MYH14: variants seen among roughly 807,000 people sequenced by gnomAD.
MYH14 encodes the protein myosin-14.
MYH14 carries 123 observed loss-of-function variants against 255.5 expected under a neutral mutation model. The ratio of observed to expected loss-of-function variants is 0.48; its 90% CI spans 0.42 to 0.56. MYH14 has a LOEUF of 0.56. Ranked by LOEUF, MYH14 falls within the 20% of genes least tolerant of loss-of-function variation. The pLI, the probability that MYH14 is intolerant of heterozygous loss-of-function variation, is 0.00. For missense variants in MYH14, 2,423 were observed against 2,802.3 expected (o/e 0.86, Z 3.06); for synonymous variants, 1,095 against 1,161.2 (o/e 0.94, Z 1.16).
intron 42 of MYH14, 94 bp from the exon 43 acceptor site, chr19:50,309,546 T>G: frequency 1.2e-6 from 1 of 831,794 alleles, no homozygotes; most frequent in East Asian, 2.7e-5. Flanking sequence ...CCTATCTCTC[T>G]CTCTCTCCCC....
chr19:50,299,813 T>C (rs945624384), intron 39 of MYH14, among the ~76,000 whole-genome samples: 3 of 151,584 alleles, frequency 2.0e-5, no homozygotes, highest in African/African-American at 7.3e-5. Flanking sequence ...GGTGTGGTGG[T>C]GCGTGCCTGT....
chr19:50,275,722 A>T (rs1374406333), intron 27 of MYH14, among the ~76,000 whole-genome samples: 1 of 152,158 alleles, frequency 6.6e-6, no homozygotes, highest in African/African-American at 2.4e-5. Context: ...GCTACACGGG[A>T]TGCTGTGGTA....
At chr19:50,207,138 T>A (rs1269746106) in intron 1 of MYH14, among the ~76,000 whole-genome samples, 1 of 141,766 alleles carries the variant, frequency 7.1e-6, no homozygotes, top group Non-Finnish European at 1.5e-5. Context: ...AGTGAGAGGA[T>A]CACTTGAACA....
Position 50,309,736 on chromosome 19 carries a change from TG to T in MYH14, c.6060del (p.Ser2021LeufsTer48), listed in dbSNP as rs748810669. The part of the protein sequence containing the change: ...SDEEAEEAQP[G>X]SGPSPEPEGS... ...ACGAGGAGGCAGAGGAAGCACAGCC[TG>T]GGTCTGGGCCATCCCCGGAGCCTGA... On this transcript the variant is annotated frameshift_variant, in exon 43 of 43. Coordinates refer to ENST00000642316, the MANE Select transcript of MYH14 (RefSeq NM_001145809.2). LOFTEE classifies it low-confidence loss of function (END_TRUNC). 2 of 1,597,512 alleles carry T rather than the reference TG, an allele frequency of 1.3e-6. No homozygotes were observed. Among genetic ancestry groups the T allele is most frequent in the Non-Finnish European group, 1.7e-6 (2 of 1,172,486 alleles).
rs910420638 is a variant in MYH14 at position 50,276,107 on chromosome 19, C to T, written c.3584C>T (p.Ala1195Val). 5.0e-6 allele frequency: 8 copies of T among 1,605,786 alleles called. No individual in the cohort carries two copies. The highest frequency in any genetic ancestry group is 1.7e-5 in the Admixed American group (1 of 58,938). ...LESERVARTK[A>V]EKQRRDLGEE... is the part of the protein sequence containing the mutation. ...TCTGAGCGTGTGGCCAGGACCAAGG[C>T]GGAGAAGCAGCGCCGGGACCTGGGC... Residue 1195 changes from alanine to valine, a missense_variant, in exon 28 of 43, where the codon GCG becomes GTG. By Grantham distance (64) the Ala-to-Val change is moderately conservative. Around this residue, in one of 3 missense-constraint regions of MYH14, gnomAD observed 1,513 missense variants for 1,674.8 expected, o/e 0.90. Transcript: ENST00000642316. This position sits in a 1 kb window ranked among gnomAD's most constrained non-coding sequence, Gnocchi z 4.3.
At chr19:50,265,124 C>T (rs2035033840) in intron 22 of MYH14, among the ~76,000 whole-genome samples, 1 of 152,222 alleles carries the variant, frequency 6.6e-6, no homozygotes, top group African/African-American at 2.4e-5. Context: ...TGCTGCACTG[C>T]GGCCTGTGGG....
Position 50,272,726 on chromosome 19 carries a change from G to A in MYH14, c.3462G>A (p.Leu1154=). 1 of 1,550,444 alleles carries A rather than the reference G, an allele frequency of 6.4e-7. No homozygotes were observed. Among genetic ancestry groups the A allele is most frequent in the African/African-American group, 1.4e-5 (1 of 73,128 alleles). The change falls in exon 27 of 43, where the codon CTG becomes CTA. Residue 1154 remains leucine (L), a synonymous_variant. Coordinates refer to ENST00000642316, the MANE Select transcript of MYH14 (RefSeq NM_001145809.2). Reference sequence around the variant, plus strand: ...AGGAGGAGGAGCTGCAGGCTGCCCTGGCCAGGTGCAGGGTGGGGTGGGCTT... The same window carrying A: ...AGGAGGAGGAGCTGCAGGCTGCCCTAGCCAGGTGCAGGGTGGGGTGGGCTT... ...GRKEEELQAA[L]ARAEDEGGAR...
chr19:50,223,432 T>G, intron 5 of MYH14, 83 bp downstream of exon 5: 21 of 967,136 alleles, frequency 2.2e-5, no homozygotes, highest in Non-Finnish European at 3.1e-5. Context: ...CAATTGTCTC[T>G]TCCCCTCATG....
chr19:50,281,436 C>T (rs2035714032), intron 32 of MYH14, among the ~76,000 whole-genome samples, 158 bp from the exon 33 acceptor site: 1 of 152,224 alleles, frequency 6.6e-6, no homozygotes, highest in South Asian at 2.1e-4. Flanking sequence ...TCATAGTATT[C>T]ACAACTTCAC....
chr19:50,248,779 G>T (rs1181016380), intron 12 of MYH14, among the ~76,000 whole-genome samples: 2 of 152,212 alleles, frequency 1.3e-5, no homozygotes, highest in Non-Finnish European at 2.9e-5. Context: ...TAACACATCC[G>T]AGCCCGTCAT....
intron 1 of MYH14, among the ~76,000 whole-genome samples, chr19:50,209,454 C>T (rs888464451): frequency 5.3e-5 from 8 of 151,704 alleles, no homozygotes; most frequent in African/African-American, 1.9e-4. Context: ...TCAAGACCTG[C>T]CTGGACAACA....
chr19:50,237,769 G>T (rs2033726488), intron 10 of MYH14, among the ~76,000 whole-genome samples: 1 of 152,198 alleles, frequency 6.6e-6, no homozygotes, highest in Non-Finnish European at 1.5e-5. Flanking sequence ...TTTTGTCTTT[G>T]CTGATGTGGC....
chr19:50,263,544 C>G, intron 22 of MYH14, 124 bp downstream of exon 22: 1 of 557,612 alleles, frequency 1.8e-6, no homozygotes, highest in Non-Finnish European at 3.0e-6. Context: ...TGGGGCCAGT[C>G]GGCCCAGGCT....
intron 2 of MYH14, among the ~76,000 whole-genome samples, chr19:50,216,151 C>T (rs75425930): frequency 0.019 from 2,824 of 152,294 alleles, 43 homozygotes; most frequent in Middle Eastern, 0.031. Context: ...ACATGATACC[C>T]TTGTGAGCTG....
At chr19:50,253,582 GAAGA>G (rs374736515) in intron 16 of MYH14, among the ~76,000 whole-genome samples, 6 of 152,222 alleles carry the variant, frequency 3.9e-5, no homozygotes, top group African/African-American at 1.2e-4. Context: ...CCCCAGGGAA[GAAGA>G]AAGAAAAAAC....
Position 50,230,818 on chromosome 19 carries a change from G to A in MYH14, c.973+195G>A. 1.7e-6 allele frequency: 1 copy of A among 585,506 alleles called. No homozygotes were observed. Among genetic ancestry groups the A allele is most frequent in the Non-Finnish European group, 3.0e-6 (1 of 328,092 alleles). The allele number at this position is 585,506 out of a possible 1,614,324, so 36.3% of individuals were successfully genotyped here. A position where few individuals can be genotyped will look rare whatever the true frequency, so the allele number is the denominator to read the frequency against. The stretch of plus-strand genomic sequence containing the variant: ...GCACGGTGGGTTCTGCTGCGCTCTG[G>A]TTCCAGCTCTGTCCCGGGTCTGGCT... On this transcript the variant is annotated intron_variant, in intron 9 of 42. Transcript: ENST00000642316. The surrounding 1 kb of genome is among the most constrained non-coding windows in gnomAD (Gnocchi z 4.7).
At chr19:50,247,794 G>T (rs1026150460) in intron 12 of MYH14, among the ~76,000 whole-genome samples, 1 of 152,166 alleles carries the variant, frequency 6.6e-6, no homozygotes, top group Admixed American at 6.5e-5. Context: ...GGCCGGGTGT[G>T]GGGGCTCATG....
intron 10 of MYH14, among the ~76,000 whole-genome samples, chr19:50,233,390 G>C (rs146660509): frequency 6.6e-6 from 1 of 152,050 alleles, no homozygotes; most frequent in Non-Finnish European, 1.5e-5. Context: ...GGCTGGTCTC[G>C]AACCCCTGAC....
chr19:50,297,651 C>T (rs888558707), intron 39 of MYH14, among the ~76,000 whole-genome samples: 3 of 148,450 alleles, frequency 2.0e-5, no homozygotes, highest in South Asian at 2.1e-4. Context: ...CGCCCACCAC[C>T]ACATCTGGCT....
Sources: gnomAD v4.1 joint callset for allele counts (sites outside exome capture counted in the v4.1 genomes callset) on GRCh38, gnomAD v4.1.1 for gene constraint, gnomAD v4.1.1 regional missense constraint, Gnocchi (gnomAD v3.1) non-coding constraint, MANE v1.5 for transcripts, NCBI Gene and HGNC (gene_info 2026-07-23, HGNC 2026-07-21) for gene names.